The following ARIH1 variants were observed in gnomAD, a reference collection of about 807,000 sequenced individuals.
ARIH1 encodes the protein E3 ubiquitin-protein ligase ARIH1.
A neutral mutation model predicts 85.0 loss-of-function variants in ARIH1; 8 were observed. That is an observed-to-expected ratio of 0.09 (90% CI 0.06 to 0.17). The LOEUF is 0.17. Among genes scored for constraint, ARIH1 ranks in the 10% least tolerant of loss-of-function variants. The pLI, the probability that ARIH1 is intolerant of heterozygous loss-of-function variation, is 1.00. For synonymous variants in ARIH1, 238 were observed against 253.6 expected (o/e 0.94, Z 0.59); for missense variants, 311 against 718.1 (o/e 0.43, Z 6.48).
At chr15:72,573,611 T>C (rs1207657895) in intron 11 of ARIH1, among the ~76,000 whole-genome samples, 1 of 152,074 alleles carries the variant, frequency 6.6e-6, no homozygotes. Context: ...CTATAAATGA[T>C]GTTTCACAGA....
chr15:72,497,031 C>T (rs145764717), intron 1 of ARIH1, among the ~76,000 whole-genome samples: 1 of 152,210 alleles, frequency 6.6e-6, no homozygotes, highest in Non-Finnish European at 1.5e-5. Context: ...GTAAAGGGCA[C>T]AATTTTATTA....
chr15:72,498,837 C>T (rs2063890648), intron 1 of ARIH1, among the ~76,000 whole-genome samples: 2 of 148,974 alleles, frequency 1.3e-5, no homozygotes, highest in Admixed American at 6.7e-5. Context: ...TGAAACACTC[C>T]ATCTCAAAAA....
chr15:72,493,265 T>A (rs1187767718), intron 1 of ARIH1, among the ~76,000 whole-genome samples: 1 of 151,860 alleles, frequency 6.6e-6, no homozygotes, highest in African/African-American at 2.4e-5. Flanking sequence ...AGACTAACAC[T>A]TTTTGGGGGG....
intron 1 of ARIH1, among the ~76,000 whole-genome samples, chr15:72,486,991 G>A (rs1437229987): frequency 6.6e-6 from 1 of 151,904 alleles, no homozygotes; most frequent in African/African-American, 2.4e-5. Context: ...ACTGTGCCCA[G>A]CCTGACAATT....
chr15:72,504,586 C>T (rs943859224), intron 1 of ARIH1, among the ~76,000 whole-genome samples: 12 of 152,172 alleles, frequency 7.9e-5, no homozygotes, highest in Middle Eastern at 3.4e-3. Context: ...CCAGTCAAGC[C>T]GCTTCTCTCG....
intron 2 of ARIH1, among the ~76,000 whole-genome samples, chr15:72,527,897 AG>A (rs921567332): frequency 1.1e-4 from 17 of 152,224 alleles, no homozygotes; most frequent in Non-Finnish European, 2.4e-4. Flanking sequence ...CACATAACGC[AG>A]TTCCTAATAT....
chr15:72,531,253 A>ATTTT (rs2064055416), intron 2 of ARIH1, among the ~76,000 whole-genome samples: 1 of 150,260 alleles, frequency 6.7e-6, no homozygotes, highest in Admixed American at 6.6e-5. Flanking sequence ...AGAAATCCAC[A>ATTTT]TTTTTATTTA....
intron 1 of ARIH1, among the ~76,000 whole-genome samples, chr15:72,497,234 CAG>C (rs746495869): frequency 7.2e-5 from 11 of 152,068 alleles, no homozygotes; most frequent in African/African-American, 1.4e-4. Context: ...GGAGGAGAAA[CAG>C]AGAAGATAGA....
At chr15:72,565,240 ATTTG>A (rs890356860) in intron 7 of ARIH1, among the ~76,000 whole-genome samples, 11 of 151,746 alleles carry the variant, frequency 7.2e-5, no homozygotes, top group South Asian at 6.2e-4. Context: ...TTATTTATTT[ATTTG>A]TTTATTTATT....
At chr15:72,580,426 A>C (rs950138469) in intron 11 of ARIH1, 8 of 288,714 alleles carry the variant, frequency 2.8e-5, no homozygotes, top group African/African-American at 1.7e-4. Flanking sequence ...TACTGATTTC[A>C]ATTCCTTTTC....
intron 1 of ARIH1, among the ~76,000 whole-genome samples, chr15:72,477,421 A>G (rs140756113): frequency 3.3e-5 from 5 of 152,360 alleles, no homozygotes; most frequent in African/African-American, 1.2e-4. Context: ...TTAAACATTT[A>G]AATTCCCTGT....
At chr15:72,543,934 T>C (rs370312590) in intron 2 of ARIH1, among the ~76,000 whole-genome samples, 5 of 152,078 alleles carry the variant, frequency 3.3e-5, no homozygotes, top group African/African-American at 9.7e-5. Flanking sequence ...TCTGAATTAA[T>C]TGGAAACATT....
chr15:72,511,760 C>T (rs2140407317), intron 1 of ARIH1, among the ~76,000 whole-genome samples: 1 of 152,156 alleles, frequency 6.6e-6, no homozygotes, highest in South Asian at 2.1e-4. Context: ...CTTTTTCTTG[C>T]CATATTGTAT....
intron 1 of ARIH1, among the ~76,000 whole-genome samples, chr15:72,491,157 A>T (rs986597571): frequency 7.0e-6 from 1 of 143,336 alleles, no homozygotes; most frequent in African/African-American, 2.5e-5. Flanking sequence ...TATTAGCATG[A>T]TAAATCAGGC....
At position 72,589,609 on chromosome 15, in the gene ARIH1, T is replaced by A. The variant is rs1219781542; in HGVS notation, c.*6317T>A. On this transcript the variant is annotated 3_prime_UTR_variant, in exon 14 of 14. Coordinates refer to ENST00000379887, the MANE Select transcript of ARIH1 (RefSeq NM_005744.5). Reference sequence around the variant, plus strand: ...AACCAATCAGATCCATGGGGCAGGATCATCAATACAAACATGGGTGTTGAG... The same window carrying A: ...AACCAATCAGATCCATGGGGCAGGAACATCAATACAAACATGGGTGTTGAG... 2 of 152,180 alleles carry A rather than the reference T, an allele frequency of 1.3e-5. No homozygotes were observed. Among genetic ancestry groups the A allele is most frequent in the Non-Finnish European group, 2.9e-5 (2 of 68,030 alleles). The allele number at this position is 152,180 out of a possible 1,614,324, so 9.4% of individuals were successfully genotyped here.
intron 1 of ARIH1, among the ~76,000 whole-genome samples, chr15:72,488,915 G>A (rs1007028905): frequency 1.3e-5 from 2 of 152,122 alleles, no homozygotes; most frequent in Admixed American, 1.3e-4. Context: ...GTTCCCTGGC[G>A]CTGGGTGTGA....
In ARIH1 at chr15:72,586,498, G is replaced by C. The variant is rs948508358; in HGVS notation, c.*3206G>C. 1.3e-5 allele frequency: 2 copies of C among 152,174 alleles called. No homozygotes were observed. Among genetic ancestry groups the C allele is most frequent in the African/African-American group, 4.8e-5 (2 of 41,446 alleles). The allele number at this position is 152,174 out of a possible 1,614,324, so 9.4% of individuals were successfully genotyped here. On this transcript the variant is annotated 3_prime_UTR_variant, in exon 14 of 14. Coordinates refer to ENST00000379887, the MANE Select transcript of ARIH1 (RefSeq NM_005744.5). ...GATTTCATTGTAACTGGACTGTTCA[G>C]GTTGCCCAGAGGGAAAGAACATTCC...
intron 3 of ARIH1, among the ~76,000 whole-genome samples, chr15:72,545,178 A>G (rs1025353869): frequency 2.0e-5 from 3 of 152,146 alleles, no homozygotes; most frequent in Non-Finnish European, 4.4e-5. Context: ...AGCAGCAACA[A>G]CTTGTCCAAG....
rs1004773324 is a variant in ARIH1 at position 72,593,757 on chromosome 15, T to C, written c.*10465T>C. The C allele has an allele frequency of 2.0e-5, 3 of 152,200 alleles. No homozygotes were observed. Among genetic ancestry groups the C allele is most frequent in the Admixed American group, 6.5e-5 (1 of 15,282 alleles). 9.4% of individuals were successfully genotyped at this position (152,200 alleles called of 1,614,324 possible). On this transcript the variant is annotated 3_prime_UTR_variant, in exon 14 of 14. Coordinates refer to ENST00000379887, the MANE Select transcript of ARIH1 (RefSeq NM_005744.5). Reference sequence around the variant, plus strand: ...ATTAGTAAATCCTTCCTTTTTGTTATTTTTCAAGATCGCTTTGGTTATTGT... The same window carrying C: ...ATTAGTAAATCCTTCCTTTTTGTTACTTTTCAAGATCGCTTTGGTTATTGT...
Sources: gnomAD v4.1 joint callset for allele counts (sites outside exome capture counted in the v4.1 genomes callset) on GRCh38, gnomAD v4.1.1 for gene constraint, MANE v1.5 for transcripts, NCBI Gene and HGNC (gene_info 2026-07-23, HGNC 2026-07-21) for gene names.